Variants in HEPH observed in about 807,000 individuals in gnomAD.
HEPH encodes the protein hephaestin.
In HEPH, 69 loss-of-function variants were observed where a neutral mutation model predicts 80.8. The observed-to-expected ratio is 0.85, with a 90% confidence interval of 0.70 to 1.04. The LOEUF (loss-of-function observed/expected upper bound fraction) is 1.04. HEPH is among the 50% of genes least tolerant of loss of function. The pLI is 0.00. For synonymous variants in HEPH, 431 were observed against 322.8 expected, an observed-to-expected ratio of 1.34 and a Z score of -3.60; for missense variants, 1,115 against 891.3, an observed-to-expected ratio of 1.25 and a Z score of -3.20.
intron 4 of HEPH, among the ~76,000 whole-genome samples, chrX:66,175,430 T>C (rs1236212542): frequency 8.9e-6 from 1 of 112,079 alleles, no homozygotes. Flanking sequence ...TAGTTTGAAA[T>C]CAGGTAGTGT....
intron 15 of HEPH, among the ~76,000 whole-genome samples, chrX:66,237,638 A>T (rs1480200001): frequency 1.8e-5 from 2 of 112,141 alleles, no homozygotes; most frequent in African/African-American, 6.5e-5. Flanking sequence ...TATCAAGTCC[A>T]TTTTATCCAG....
At position 66,188,414 on chromosome X, in the gene HEPH, C is replaced by T; in HGVS notation, c.681C>T (p.Phe227=). The T allele has an allele frequency of 8.3e-7, 1 of 1,205,275 alleles. No homozygotes were observed. Among genetic ancestry groups the T allele is most frequent in the African/African-American group, 1.7e-5 (1 of 57,707 alleles). The change falls in exon 5 of 21, where the codon TTC becomes TTT. Residue 227 remains phenylalanine, a synonymous_variant. Coordinates refer to ENST00000343002, the MANE Select transcript of HEPH (RefSeq NM_001367233.3). Reference sequence around the variant, plus strand: ...GCCAGGATGTAGACCATGATTTCTTCCTCCTCTTCAGTGTGGTAGATGAGA... The same window carrying T: ...GCCAGGATGTAGACCATGATTTCTTTCTCCTCTTCAGTGTGGTAGATGAGA... ...PQRQDVDHDF[F]LLFSVVDENL...
chrX:66,241,931 C>A (rs1250928461), intron 15 of HEPH, among the ~76,000 whole-genome samples: 1 of 110,707 alleles, frequency 9.0e-6, no homozygotes, highest in Non-Finnish European at 1.9e-5. Context: ...GTTAAAATGA[C>A]CATACCACCC....
chrX:66,213,183 C>T (rs1188139418), intron 15 of HEPH, among the ~76,000 whole-genome samples: 1 of 109,203 alleles, frequency 9.2e-6, no homozygotes, highest in East Asian at 2.9e-4. Flanking sequence ...ATCCCTCCCC[C>T]CTTCCCCCAC....
chrX:66,210,747 G>A (rs1308890842), intron 15 of HEPH, among the ~76,000 whole-genome samples: 2 of 111,124 alleles, frequency 1.8e-5, no homozygotes, highest in Non-Finnish European at 3.8e-5. Flanking sequence ...AGATGTTAAG[G>A]CAGAATAAAT....
intron 15 of HEPH, among the ~76,000 whole-genome samples, chrX:66,229,630 T>C (rs1284674332): frequency 9.0e-6 from 1 of 111,725 alleles, no homozygotes; most frequent in Non-Finnish European, 1.9e-5. Flanking sequence ...GAAGACTACC[T>C]CTATAAAGTA....
chrX:66,245,661 A>C (rs932003374), intron 15 of HEPH, among the ~76,000 whole-genome samples: 3 of 111,467 alleles, frequency 2.7e-5, no homozygotes, highest in Non-Finnish European at 5.7e-5. Context: ...CTCCACTCCA[A>C]ATCAAAAGAA....
At position 66,192,118 on chromosome X, in the gene HEPH, T is replaced by C. The variant is rs941314006; in HGVS notation, c.1064-12T>C. Reference sequence around the variant, plus strand: ...GGATAGAATGGGGTCAGCCATAATGTTCTTCCTTCAGATGGCATGCAGGCA... The same window carrying C: ...GGATAGAATGGGGTCAGCCATAATGCTCTTCCTTCAGATGGCATGCAGGCA... On this transcript the variant is annotated splice_polypyrimidine_tract_variant and intron_variant, in intron 6 of 20. Transcript: ENST00000343002. The C allele has an allele frequency of 3.3e-5, 40 of 1,197,690 alleles. No homozygotes were observed. The highest frequency in any genetic ancestry group is 4.3e-5 in the Non-Finnish European group (38 of 887,701).
At chrX:66,189,975 G>A (rs751534885) in intron 6 of HEPH, 37 bp downstream of exon 6, 13 of 1,139,518 alleles carry the variant, frequency 1.1e-5, no homozygotes, top group South Asian at 2.1e-5. Flanking sequence ...GGTTGTAAGA[G>A]AGAGGTATGA....
At chrX:66,226,982 A>G (rs1362252354) in intron 15 of HEPH, among the ~76,000 whole-genome samples, 1 of 111,623 alleles carries the variant, frequency 9.0e-6, no homozygotes, top group East Asian at 2.8e-4. Flanking sequence ...ACACAACAAA[A>G]AAAGAGAACT....
chrX:66,244,422 T>C (rs2090723896), intron 15 of HEPH, among the ~76,000 whole-genome samples: 1 of 111,994 alleles, frequency 8.9e-6, no homozygotes, highest in South Asian at 3.7e-4. Context: ...GCTTTGAGGT[T>C]CTTTCCTCAG....
chrX:66,232,956 T>G (rs2090212967), intron 15 of HEPH, among the ~76,000 whole-genome samples: 2 of 110,691 alleles, frequency 1.8e-5, no homozygotes, highest in Admixed American at 9.7e-5. Context: ...GTATGAGCTG[T>G]ATTTTATAAG....
At chrX:66,249,994 T>G (rs1400161752) in intron 15 of HEPH, among the ~76,000 whole-genome samples, 2 of 111,178 alleles carry the variant, frequency 1.8e-5, no homozygotes, top group Admixed American at 1.9e-4. Flanking sequence ...ATGCTGACCA[T>G]GGCAGTGAGG....
rs765541377 is a variant in HEPH, at chrX:66,207,227, G to A, written c.2324G>A (p.Gly775Glu). 13 of 1,203,342 alleles carry A rather than the reference G, an allele frequency of 1.1e-5. No homozygotes were observed. The highest frequency in any genetic ancestry group is 1.5e-5 in the Non-Finnish European group (13 of 891,854). The change falls in exon 14 of 21, where the codon GGG becomes GAG. Residue 775 changes from glycine (G) to glutamate (E), a missense_variant. Physicochemically the swap from Gly to Glu is moderately conservative, Grantham distance 98 (BLOSUM62 -2). Transcript: ENST00000343002. ...TACATTTTCCTGAGCAACAAGGATG[G>A]GCTCCTGGGTTCCAGATACAAGAAA... ...YGYIFLSNKD[G>E]LLGSRYKKAV...
chrX:66,172,040 T>C (rs965094750), intron 2 of HEPH, among the ~76,000 whole-genome samples: 1 of 112,298 alleles, frequency 8.9e-6, no homozygotes, highest in African/African-American at 3.2e-5. Flanking sequence ...TCAGGCTACA[T>C]TGACGAGGAG....
chrX:66,220,443 G>A (rs932619576), intron 15 of HEPH, among the ~76,000 whole-genome samples: 1 of 111,112 alleles, frequency 9.0e-6, no homozygotes, highest in Non-Finnish European at 1.9e-5. Flanking sequence ...GATCAAGGGG[G>A]TTGGTTATTA....
chrX:66,257,440 T>C (rs1213251977), intron 17 of HEPH, among the ~76,000 whole-genome samples: 2 of 112,054 alleles, frequency 1.8e-5, no homozygotes, highest in Non-Finnish European at 3.8e-5. Context: ...TCTCTTCCTT[T>C]TCAGGTTCCT....
At chrX:66,202,507 T>G (rs1220995257) in intron 12 of HEPH, among the ~76,000 whole-genome samples, 2 of 111,769 alleles carry the variant, frequency 1.8e-5, no homozygotes, top group African/African-American at 6.5e-5. Context: ...GAGCTTAAGA[T>G]CTGGTCCAGG....
intron 20 of HEPH, among the ~76,000 whole-genome samples, chrX:66,264,818 AT>A (rs1238281740): frequency 1.9e-5 from 2 of 105,319 alleles, no homozygotes; most frequent in Non-Finnish European, 3.9e-5. Context: ...ATATATATAT[AT>A]TTTTATATAT....
Sources: gnomAD v4.1 joint callset for allele counts (sites outside exome capture counted in the v4.1 genomes callset) on GRCh38, gnomAD v4.1.1 for gene constraint, MANE v1.5 for transcripts, NCBI Gene and HGNC (gene_info 2026-07-23, HGNC 2026-07-21) for gene names.